RBFOX1: variants seen among roughly 807,000 people sequenced by gnomAD.
RBFOX1 encodes RNA binding protein fox-1 homolog 1.
RBFOX1 carries 8 observed loss-of-function variants against 57.7 expected under a neutral mutation model. The ratio of observed to expected loss-of-function variants is 0.14; its 90% CI spans 0.08 to 0.25. RBFOX1 has a LOEUF of 0.25. RBFOX1 is among the 10% of genes least tolerant of loss of function. RBFOX1 has a pLI of 1.00. For synonymous variants in RBFOX1, 326 were observed against 222.4 expected (o/e 1.47, Z -4.15); for missense variants, 611 against 548.5 (o/e 1.11, Z -1.14).
At chr16:6,936,740 G>C (rs1051324385) in intron 3 of RBFOX1, among the ~76,000 whole-genome samples, 6 of 152,190 alleles carry the variant, frequency 3.9e-5, no homozygotes, top group Admixed American at 3.3e-4. Flanking sequence ...TAGAGGTAGG[G>C]TAATTCCATA....
intron 3 of RBFOX1, among the ~76,000 whole-genome samples, chr16:6,659,298 A>C (rs1478625080): frequency 6.6e-6 from 1 of 152,064 alleles, no homozygotes; most frequent in Non-Finnish European, 1.5e-5. Flanking sequence ...GGTGCAGCTA[A>C]ACAGTTTCAG....
chr16:6,201,959 C>G (rs1474951544), intron 1 of RBFOX1, among the ~76,000 whole-genome samples: 1 of 152,160 alleles, frequency 6.6e-6, no homozygotes, highest in African/African-American at 2.4e-5. Context: ...TCCCCTAGGT[C>G]AACTCAGGTC....
chr16:5,746,448 T>C (rs2052985370), intron 3 of RBFOX1, among the ~76,000 whole-genome samples: 1 of 152,230 alleles, frequency 6.6e-6, no homozygotes, highest in Non-Finnish European at 1.5e-5. Context: ...ATATGAACTT[T>C]AAAGTAGTTT....
Position 6,277,728 on chromosome 16 carries a change from C to A in RBFOX1, c.-126-39267C>A, listed in dbSNP as rs185561506. ...CCGTGCTGACTCCTTGGATCCCGAC[C>A]GCTGTATATAACTGCTGGTTTCCCC... On this transcript the variant is annotated intron_variant, in intron 1 of 15. Transcript: ENST00000550418. 1.6e-3 allele frequency among the ~76,000 whole-genome samples: 243 copies of A among 151,890 alleles called. 2 individuals are homozygous for A. The highest frequency in any genetic ancestry group is 5.6e-3 in the African/African-American group (231 of 41,398).
At chr16:5,644,439 G>A (rs56266094) in intron 3 of RBFOX1, among the ~76,000 whole-genome samples, 4 of 152,178 alleles carry the variant, frequency 2.6e-5, no homozygotes, top group African/African-American at 4.8e-5. Flanking sequence ...TGTTAAAGGC[G>A]CTTGGGCTCC....
At chr16:6,724,676 C>T (rs1025526647) in intron 3 of RBFOX1, among the ~76,000 whole-genome samples, 2 of 152,086 alleles carry the variant, frequency 1.3e-5, no homozygotes, top group African/African-American at 4.8e-5. Flanking sequence ...CTAAGACTGC[C>T]TCAAAGTCAA....
chr16:7,504,300 C>G (rs1004508622), intron 4 of RBFOX1, among the ~76,000 whole-genome samples: 5 of 151,886 alleles, frequency 3.3e-5, no homozygotes, highest in Non-Finnish European at 7.4e-5. Context: ...GTGGTTTAAG[C>G]CCTTCTAATT....
At chr16:5,977,777 C>T (rs2060094611) in intron 4 of RBFOX1, among the ~76,000 whole-genome samples, 2 of 152,062 alleles carry the variant, frequency 1.3e-5, no homozygotes, top group South Asian at 2.1e-4. Context: ...CCCACTGTCC[C>T]GATCTGTATT....
At chr16:7,292,061 A>T (rs574556529) in intron 4 of RBFOX1, among the ~76,000 whole-genome samples, 16 of 75,990 alleles carry the variant, frequency 2.1e-4, no homozygotes, top group African/African-American at 7.8e-4. Context: ...CATATTGTAT[A>T]TATTATATAT....
In RBFOX1 at chr16:6,578,383, C is replaced by G. The variant is rs557335265; in HGVS notation, c.-63-76220C>G. On this transcript the variant is annotated intron_variant, in intron 2 of 15. Coordinates refer to ENST00000550418, the MANE Select transcript of RBFOX1 (RefSeq NM_018723.4). ...CAGTGGGTGAAAGTGTGTTGTGATT[C>G]ATGACCTTATGGATGGACGGTGTTC... Among the ~76,000 whole-genome samples, 3 of 152,268 alleles carry G rather than the reference C, an allele frequency of 2.0e-5. No individual in the cohort carries two copies. The East Asian group carries it at 5.8e-4, about 29-fold the overall frequency.
At chr16:5,990,838 G>A (rs569475927) in intron 4 of RBFOX1, among the ~76,000 whole-genome samples, 3 of 152,236 alleles carry the variant, frequency 2.0e-5, no homozygotes, top group Non-Finnish European at 2.9e-5. Flanking sequence ...GCTGGGTGTG[G>A]TGGTGCACGC....
intron 2 of RBFOX1, among the ~76,000 whole-genome samples, chr16:6,455,568 T>A (rs1437442990): frequency 1.3e-5 from 2 of 152,176 alleles, no homozygotes; most frequent in Non-Finnish European, 2.9e-5. Context: ...ACCATAAAAC[T>A]ATGACACACT....
intron 2 of RBFOX1, among the ~76,000 whole-genome samples, chr16:6,321,220 C>G (rs1186441823): frequency 6.6e-6 from 1 of 152,118 alleles, no homozygotes; most frequent in African/African-American, 2.4e-5. Context: ...TATCTATCAT[C>G]TCATTTCTTT....
intron 3 of RBFOX1, among the ~76,000 whole-genome samples, chr16:5,828,829 C>T (rs2056166510): frequency 6.6e-6 from 1 of 152,160 alleles, no homozygotes; most frequent in African/African-American, 2.4e-5. Flanking sequence ...AGTAAGGTGG[C>T]TGGATGCATT....
chr16:6,816,920 T>G (rs1325590416), intron 3 of RBFOX1, among the ~76,000 whole-genome samples: 1 of 151,880 alleles, frequency 6.6e-6, no homozygotes. Context: ...GTTTTTTTTG[T>G]ATTTTTTGGA....
chr16:7,059,546 G>A (rs1304735913), intron 4 of RBFOX1, among the ~76,000 whole-genome samples: 1 of 152,112 alleles, frequency 6.6e-6, no homozygotes, highest in Non-Finnish European at 1.5e-5. Flanking sequence ...ACAACCATTG[G>A]CAAAAAATGT....
chr16:5,707,472 A>G (rs1325285312), intron 3 of RBFOX1, among the ~76,000 whole-genome samples: 1 of 152,212 alleles, frequency 6.6e-6, no homozygotes, highest in African/African-American at 2.4e-5. Flanking sequence ...TTTAGTAACC[A>G]CTAAAGATGC....
intron 1 of RBFOX1, among the ~76,000 whole-genome samples, chr16:5,444,354 C>T (rs1222682079): frequency 1.3e-5 from 2 of 152,172 alleles, no homozygotes; most frequent in East Asian, 3.9e-4. Context: ...ATAAATTTCA[C>T]CCAGTTCCTT....
intron 2 of RBFOX1, among the ~76,000 whole-genome samples, chr16:6,532,045 T>G (rs1307750164): frequency 6.6e-6 from 1 of 152,186 alleles, no homozygotes; most frequent in African/African-American, 2.4e-5. Context: ...GAATTCCAAC[T>G]AAGTCTTCCG....
Sources: allele counts gnomAD v4.1 joint callset (sites outside exome capture counted in the v4.1 genomes callset), GRCh38; gene constraint gnomAD v4.1.1; transcripts MANE v1.5; gene names NCBI Gene and HGNC (gene_info 2026-07-23, HGNC 2026-07-21).